Variants in FRMD6 observed in about 807,000 individuals in gnomAD.
FRMD6 encodes FERM domain-containing protein 6.
In FRMD6, 37 loss-of-function variants were observed where a neutral mutation model predicts 73.2. The observed-to-expected ratio is 0.51, with a 90% CI of 0.39 to 0.66. The LOEUF is 0.66. Ranked by LOEUF, FRMD6 falls within the 30% of genes least tolerant of loss-of-function variation. The pLI is 0.00. For synonymous variants in FRMD6, 273 were observed against 282.2 expected (o/e 0.97, Z 0.33); for missense variants, 714 against 780.5 (o/e 0.91, Z 1.02).
chr14:51,468,075 G>A, the FRMD6 span, among the ~76,000 whole-genome samples: 25 of 152,070 alleles, frequency 1.6e-4, no homozygotes, highest in Admixed American at 1.6e-3. Context: ...GATCACTCGC[G>A]GTCAGGAGCT....
chr14:51,702,263 A>G (rs1230655626), intron 4 of FRMD6, among the ~76,000 whole-genome samples: 1 of 151,980 alleles, frequency 6.6e-6, no homozygotes, highest in African/African-American at 2.4e-5. Flanking sequence ...TGTCATTGGC[A>G]TTACAGTGAA....
At position 51,592,376 on chromosome 14, in the gene FRMD6, A is replaced by T. The variant is rs968173016; in HGVS notation, c.-147+21966A>T. On this transcript the variant is annotated intron_variant, in intron 2 of 14. Transcript: ENST00000356218. Reference sequence around the variant, plus strand: ...TTTTAAAAATTATCTGAACTAAACTAAAATTTCTCGTGTATAGAAACTATG... The same window carrying T: ...TTTTAAAAATTATCTGAACTAAACTTAAATTTCTCGTGTATAGAAACTATG... Among the ~76,000 whole-genome samples the T allele has an allele frequency of 7.2e-5, 11 of 152,330 alleles. No homozygotes were observed. In the South Asian group the frequency reaches 8.3e-4, roughly 11 times the overall value.
chr14:51,656,752 T>C (rs1235441026), intron 1 of FRMD6, among the ~76,000 whole-genome samples: 1 of 152,148 alleles, frequency 6.6e-6, no homozygotes, highest in Non-Finnish European at 1.5e-5. Context: ...AGCTGTATGG[T>C]CTTGTCTTAG....
At chr14:51,701,020 T>A (rs748198122) in intron 3 of FRMD6, 36 bp from the exon 4 acceptor site, 28 of 1,055,878 alleles carry the variant, frequency 2.7e-5, no homozygotes, top group Non-Finnish European at 3.5e-5. Flanking sequence ...AAAAATCCTT[T>A]CTTTAGCATG....
the FRMD6 span, among the ~76,000 whole-genome samples, chr14:51,475,073 A>C: frequency 6.6e-6 from 1 of 152,222 alleles, no homozygotes; most frequent in East Asian, 1.9e-4. Context: ...TGTACCTGCC[A>C]AGAGAGTGAC....
intron 1 of FRMD6, among the ~76,000 whole-genome samples, chr14:51,516,508 G>T (rs1218157124): frequency 1.5e-5 from 2 of 137,432 alleles, no homozygotes. Flanking sequence ...GAGTGAGGGG[G>T]TATATGTGTG....
the FRMD6 span, among the ~76,000 whole-genome samples, chr14:51,440,509 C>G: frequency 2.0e-5 from 3 of 152,168 alleles, no homozygotes; most frequent in Non-Finnish European, 4.4e-5. Context: ...TCCAACTTCC[C>G]TTGTCCTAAC....
the FRMD6 span, among the ~76,000 whole-genome samples, chr14:51,451,270 A>G: frequency 3.9e-4 from 59 of 152,322 alleles, no homozygotes; most frequent in Non-Finnish European, 6.2e-4. Context: ...TTGATCCTCA[A>G]TGTTGGAGGT....
At chr14:51,700,721 G>A (rs944795711) in intron 3 of FRMD6, among the ~76,000 whole-genome samples, 1 of 151,888 alleles carries the variant, frequency 6.6e-6, no homozygotes, top group Admixed American at 6.6e-5. Context: ...GTTTTCCTAA[G>A]ACTAACACCC....
At chr14:51,652,311 G>C (rs1421398359) in intron 1 of FRMD6, 1 of 152,882 alleles carries the variant, frequency 6.5e-6, no homozygotes, top group Non-Finnish European at 1.5e-5. Flanking sequence ...GGGAGGCGTG[G>C]AGCTCGGGGC....
chr14:51,470,431 C>T, the FRMD6 span, among the ~76,000 whole-genome samples: 1 of 151,872 alleles, frequency 6.6e-6, no homozygotes, highest in African/African-American at 2.4e-5. Flanking sequence ...ACCCGGGAGG[C>T]GGAGGTTGCA....
At chr14:51,437,690 C>T in the FRMD6 span, among the ~76,000 whole-genome samples, 1 of 152,060 alleles carries the variant, frequency 6.6e-6, no homozygotes, top group Non-Finnish European at 1.5e-5. Context: ...TGTGCTCAGT[C>T]GCCCTGTTCT....
chr14:51,521,636 G>A (rs534549522), intron 1 of FRMD6, among the ~76,000 whole-genome samples: 1 of 151,494 alleles, frequency 6.6e-6, no homozygotes, highest in African/African-American at 2.4e-5. Context: ...GTTGATAGAC[G>A]CGGGCAGGTT....
intron 2 of FRMD6, among the ~76,000 whole-genome samples, chr14:51,691,747 A>G (rs1895596097): frequency 1.3e-5 from 2 of 151,668 alleles, no homozygotes; most frequent in South Asian, 4.2e-4. Flanking sequence ...GGTGCCTGCC[A>G]CCACACCTGG....
At chr14:51,642,194 A>C (rs1201523017) in intron 2 of FRMD6, among the ~76,000 whole-genome samples, 1 of 152,172 alleles carries the variant, frequency 6.6e-6, no homozygotes, top group Admixed American at 6.5e-5. Context: ...AAGGGAACAT[A>C]GTGAGAGAGA....
intron 1 of FRMD6, among the ~76,000 whole-genome samples, chr14:51,661,187 G>C (rs943258429): frequency 6.6e-6 from 1 of 152,168 alleles, no homozygotes; most frequent in East Asian, 1.9e-4. Context: ...TACAAATTTG[G>C]AAGTTGCCAA....
chr14:51,689,412 G>A (rs1359078401), intron 1 of FRMD6, among the ~76,000 whole-genome samples: 1 of 152,216 alleles, frequency 6.6e-6, no homozygotes, highest in Non-Finnish European at 1.5e-5. Flanking sequence ...CAGGATCTCT[G>A]TTTCTGTGAG....
At chr14:51,593,478 G>A (rs1026206446) in intron 2 of FRMD6, among the ~76,000 whole-genome samples, 2 of 152,262 alleles carry the variant, frequency 1.3e-5, no homozygotes, top group Admixed American at 1.3e-4. Context: ...TTGTACCTGT[G>A]ACAACAGAAA....
At chr14:51,565,172 AG>A (rs1887706432) in intron 1 of FRMD6, 1 of 152,244 alleles carries the variant, frequency 6.6e-6, no homozygotes, top group African/African-American at 2.4e-5. Context: ...GGTGGAGCCA[AG>A]GAAGATGAAA....
Sources: allele counts gnomAD v4.1 joint callset (sites outside exome capture counted in the v4.1 genomes callset), GRCh38; gene constraint gnomAD v4.1.1; transcripts MANE v1.5; gene names NCBI Gene and HGNC (gene_info 2026-07-23, HGNC 2026-07-21).